Variants in RAPGEF6 observed in about 807,000 individuals in gnomAD.
RAPGEF6 encodes the protein Rap guanine nucleotide exchange factor 6.
In RAPGEF6, 56 loss-of-function variants were observed where a neutral mutation model predicts 171.4. The ratio of observed to expected loss-of-function variants is 0.33; its 90% confidence interval spans 0.26 to 0.41. The LOEUF is 0.41. Among genes scored for constraint, RAPGEF6 ranks in the 10% least tolerant of loss-of-function variants. The probability of loss-of-function intolerance (pLI) is 1.00; values close to 1 mark genes in which losing one functional copy is unlikely to be tolerated. For synonymous variants in RAPGEF6, 692 were observed against 650.1 expected (o/e 1.06, Z -0.98); for missense variants, 1,674 against 1,921.4 (o/e 0.87, Z 2.41).
At chr5:131,483,989 G>A (rs1034739801) in intron 15 of RAPGEF6, among the ~76,000 whole-genome samples, 2 of 150,466 alleles carry the variant, frequency 1.3e-5, no homozygotes, top group African/African-American at 2.4e-5. Context: ...CCAGCTACTC[G>A]GGAAGCTGAG....
At position 131,479,536 on chromosome 5, in the gene RAPGEF6, A is replaced by G. The variant is rs1755328268; in HGVS notation, c.2058T>C (p.Ser686=). 1 of 1,613,878 alleles carries G rather than the reference A, an allele frequency of 6.2e-7. No homozygotes were observed. Among genetic ancestry groups the G allele is most frequent in the African/African-American group, 1.3e-5 (1 of 74,896 alleles). Residue 686 remains serine (S), a synonymous_variant, in exon 16 of 28, where the codon AGT becomes AGC. Coordinates refer to ENST00000509018, the MANE Select transcript of RAPGEF6 (RefSeq NM_016340.6). ...IRKILDKTRF[S]ILPPKLFSDG... is the part of the protein sequence containing the mutation. ...ACCTAAATAGCTTTGGAGGCAAGAT[A>G]CTAAATCGTGTTTTATCCAAAATCT...
chr5:131,444,254 G>A (rs1438731764), intron 22 of RAPGEF6, among the ~76,000 whole-genome samples: 1 of 152,120 alleles, frequency 6.6e-6, no homozygotes, highest in Non-Finnish European at 1.5e-5. Context: ...CAAATACAGG[G>A]ACCCCAAGAG....
intron 22 of RAPGEF6, among the ~76,000 whole-genome samples, chr5:131,443,736 G>A (rs190937972): frequency 6.6e-6 from 1 of 152,242 alleles, no homozygotes; most frequent in East Asian, 1.9e-4. Flanking sequence ...TATCTTCTCT[G>A]TTCCTTTCAT....
Position 131,457,490 on chromosome 5 carries a change from T to C in RAPGEF6, c.2865-1478A>G, listed in dbSNP as rs3944120. ...CCCTAATGCTGCCACAATCTCCATTTACTAAGAAAAAGTAAAGGATAAAAC... is the reference window on the plus strand; with the variant it reads ...CCCTAATGCTGCCACAATCTCCATTCACTAAGAAAAAGTAAAGGATAAAAC... On this transcript the variant is annotated intron_variant, in intron 19 of 27. Transcript: ENST00000509018. 7.9e-4 allele frequency among the ~76,000 whole-genome samples: 120 copies of C among 152,366 alleles called. 1 individual carries two copies. Among genetic ancestry groups the C allele is most frequent in the African/African-American group, 2.7e-3 (111 of 41,588 alleles).
chr5:131,517,054 T>C (rs1287547637), intron 7 of RAPGEF6, among the ~76,000 whole-genome samples: 1 of 152,130 alleles, frequency 6.6e-6, no homozygotes, highest in African/African-American at 2.4e-5. Flanking sequence ...TACTTATAAG[T>C]GGGCGCTAAC....
intron 8 of RAPGEF6, among the ~76,000 whole-genome samples, chr5:131,508,737 A>G (rs1163415004): frequency 6.6e-6 from 1 of 152,240 alleles, no homozygotes; most frequent in Non-Finnish European, 1.5e-5. Context: ...TGGTATGGAT[A>G]TATGTGTAAG....
intron 1 of RAPGEF6, among the ~76,000 whole-genome samples, chr5:131,621,238 A>T (rs2150033987): frequency 6.6e-6 from 1 of 152,262 alleles, no homozygotes; most frequent in South Asian, 2.1e-4. Context: ...CCTTATATAA[A>T]ATGGTGTAGT....
At chr5:131,450,491 A>G (rs1387599572) in intron 21 of RAPGEF6, among the ~76,000 whole-genome samples, 1 of 152,214 alleles carries the variant, frequency 6.6e-6, no homozygotes, top group African/African-American at 2.4e-5. Context: ...ATAAAAACAT[A>G]AAATTTCATT....
chr5:131,491,909 C>T (rs1420709922), intron 14 of RAPGEF6, among the ~76,000 whole-genome samples: 1 of 152,162 alleles, frequency 6.6e-6, no homozygotes, highest in Non-Finnish European at 1.5e-5. Context: ...GATGTTCAGA[C>T]ATCATTGCTT....
At chr5:131,571,728 A>C (rs1232517570) in intron 4 of RAPGEF6, among the ~76,000 whole-genome samples, 4 of 152,204 alleles carry the variant, frequency 2.6e-5, no homozygotes. Context: ...GCTAGAAATC[A>C]TACGGAACTG....
chr5:131,521,904 C>CTT (rs1181636067), intron 6 of RAPGEF6, among the ~76,000 whole-genome samples: 4 of 150,298 alleles, frequency 2.7e-5, no homozygotes, highest in African/African-American at 9.8e-5. Context: ...CTCTCTCTCT[C>CTT]TCACACACAC....
intron 1 of RAPGEF6, among the ~76,000 whole-genome samples, chr5:131,606,918 A>G (rs1291465661): frequency 3.3e-5 from 5 of 152,178 alleles, no homozygotes; most frequent in African/African-American, 9.7e-5. Context: ...AATGATCCCA[A>G]TTGAGGCTCT....
At chr5:131,606,574 T>C (rs1764604400) in intron 1 of RAPGEF6, among the ~76,000 whole-genome samples, 2 of 152,220 alleles carry the variant, frequency 1.3e-5, no homozygotes, top group South Asian at 2.1e-4. Flanking sequence ...AGCACTGATA[T>C]GGTAAACTGT....
rs551416067 is a variant in RAPGEF6, at chr5:131,603,218, T to A, written c.197+53A>T. 1.6e-5 allele frequency: 20 copies of A among 1,287,924 alleles called. No individual in the cohort carries two copies. The African/African-American group carries it at 3.0e-4, about 19-fold the overall frequency. The allele number at this position is 1,287,924 out of a possible 1,614,324, so 79.8% of individuals were successfully genotyped here. On this transcript the variant is annotated intron_variant, in intron 3 of 27. Coordinates refer to ENST00000509018, the MANE Select transcript of RAPGEF6 (RefSeq NM_016340.6). ...ATCAAATGAATTTCAATGCTAAGAG[T>A]TAAAATTTAAACATAAAAGTCATTA...
intron 20 of RAPGEF6, among the ~76,000 whole-genome samples, chr5:131,454,384 A>G (rs1402696848): frequency 6.6e-6 from 1 of 152,208 alleles, no homozygotes; most frequent in Non-Finnish European, 1.5e-5. Context: ...TTCAATAATA[A>G]CCAGGCACAT....
At chr5:131,624,622 A>AAAACAAAC (rs149821127) in intron 1 of RAPGEF6, among the ~76,000 whole-genome samples, 11 of 151,956 alleles carry the variant, frequency 7.2e-5, no homozygotes, top group African/African-American at 1.7e-4. Flanking sequence ...CTTTAAAAAC[A>AAAACAAAC]AAACAAACAA....
chr5:131,576,208 G>A (rs184369448), intron 4 of RAPGEF6, among the ~76,000 whole-genome samples: 87 of 152,112 alleles, frequency 5.7e-4, no homozygotes, highest in African/African-American at 2.0e-3. Context: ...TCCAGACTGC[G>A]CTTGGTTTAC....
chr5:131,564,448 A>C (rs1049733561), intron 4 of RAPGEF6, among the ~76,000 whole-genome samples: 1 of 152,222 alleles, frequency 6.6e-6, no homozygotes, highest in Non-Finnish European at 1.5e-5. Flanking sequence ...CCCACACTAA[A>C]GTGCTGAACT....
chr5:131,540,339 G>A (rs1231368811), intron 6 of RAPGEF6, among the ~76,000 whole-genome samples: 3 of 152,166 alleles, frequency 2.0e-5, no homozygotes, highest in African/African-American at 4.8e-5. Context: ...AGGCTGCAGT[G>A]ATTAGACTGC....
Sources: gnomAD v4.1 joint callset for allele counts (sites outside exome capture counted in the v4.1 genomes callset) on GRCh38, gnomAD v4.1.1 for gene constraint, MANE v1.5 for transcripts, NCBI Gene and HGNC (gene_info 2026-07-23, HGNC 2026-07-21) for gene names.